Variants in STAT3 observed in about 807,000 individuals in gnomAD.
The protein encoded by STAT3 is signal transducer and activator of transcription 3, also known as DNA-binding protein APRF.
A neutral mutation model predicts 114.3 loss-of-function variants in STAT3; 7 were observed. The observed-to-expected ratio is 0.06, with a 90% CI of 0.03 to 0.11. The LOEUF (loss-of-function observed/expected upper bound fraction) is 0.11, where lower values mean the gene tolerates loss of function less well. STAT3 is among the 10% of genes least tolerant of loss of function. The pLI is 1.00. For synonymous variants in STAT3, 331 were observed against 354.5 expected (o/e 0.93, Z 0.74); for missense variants, 364 against 960.9 (o/e 0.38, Z 8.21).
intron 1 of STAT3, among the ~76,000 whole-genome samples, chr17:42,372,228 G>A (rs1175251784): frequency 6.6e-6 from 1 of 152,168 alleles, no homozygotes. Context: ...TTTATCCAGA[G>A]GAGGTGAAAA....
In STAT3 at chr17:42,330,259, G is replaced by A. The variant is rs1196413894; in HGVS notation, c.1110-483C>T. On this transcript the variant is annotated intron_variant, in intron 11 of 23. Coordinates refer to ENST00000264657, the MANE Select transcript of STAT3 (RefSeq NM_139276.3). ...AGCCTCCCGTGTAGCTGGGATTACG[G>A]GCATGCGCCAACACACCTGGCTAAT... Among the ~76,000 whole-genome samples the A allele has an allele frequency of 2.6e-5, 4 of 151,202 alleles. No homozygotes were observed. In the East Asian group the frequency reaches 5.8e-4, roughly 22 times the overall value.
intron 1 of STAT3, among the ~76,000 whole-genome samples, chr17:42,385,748 C>T (rs559886702): frequency 6.6e-6 from 1 of 152,212 alleles, no homozygotes; most frequent in Admixed American, 6.5e-5. Flanking sequence ...TCATGACTGT[C>T]CTTAATCTAA....
chr17:42,344,038 T>C (rs551420225), intron 4 of STAT3, among the ~76,000 whole-genome samples: 1 of 152,348 alleles, frequency 6.6e-6, no homozygotes, highest in South Asian at 2.1e-4. Context: ...GACATCCTTA[T>C]CTTTTGCTGT....
At chr17:42,386,238 G>A (rs370830034) in intron 1 of STAT3, among the ~76,000 whole-genome samples, 28 of 145,962 alleles carry the variant, frequency 1.9e-4, no homozygotes, top group African/African-American at 4.6e-4. Context: ...CCAAGATTGC[G>A]CCACTGCACT....
chr17:42,375,464 C>A (rs2084396479), intron 1 of STAT3, among the ~76,000 whole-genome samples: 1 of 152,156 alleles, frequency 6.6e-6, no homozygotes, highest in South Asian at 2.1e-4. Context: ...TATGTTAAAA[C>A]CTTTAGACCA....
At chr17:42,349,284 T>C (rs767140305) in intron 1 of STAT3, among the ~76,000 whole-genome samples, 11 of 152,250 alleles carry the variant, frequency 7.2e-5, no homozygotes, top group Non-Finnish European at 1.2e-4. Context: ...TTCCCTTGTC[T>C]ATAAAATAGA....
rs1394935506 is a variant in STAT3, at chr17:42,315,568, T to G, written c.*177A>C. 2 of 673,658 alleles carry G rather than the reference T, an allele frequency of 3.0e-6. No individual in the cohort carries two copies. The highest frequency in any genetic ancestry group is 3.6e-5 in the African/African-American group (2 of 55,770). 41.7% of individuals were successfully genotyped at this position (673,658 alleles called of 1,614,324 possible). The stretch of plus-strand genomic sequence containing the variant: ...AAGCAGATCACCCACATTCACTCAT[T>G]TCTCTATTTTTAAAAGTGCCCAGAT... On this transcript the variant is annotated 3_prime_UTR_variant, in exon 24 of 24. Coordinates refer to ENST00000264657, the MANE Select transcript of STAT3 (RefSeq NM_139276.3).
chr17:42,345,697 A>T (rs2082665926), intron 3 of STAT3, 40 bp from the exon 4 acceptor site: 1 of 1,540,060 alleles, frequency 6.5e-7, no homozygotes, highest in South Asian at 1.2e-5. Context: ...TCAGCAGCAG[A>T]CCATGGAGAT....
At chr17:42,349,055 G>T (rs2082823092) in intron 1 of STAT3, among the ~76,000 whole-genome samples, 1 of 151,634 alleles carries the variant, frequency 6.6e-6, no homozygotes, top group Non-Finnish European at 1.5e-5. Flanking sequence ...TGTTTCGTGA[G>T]ACAAACAAAA....
At chr17:42,371,147 T>C (rs2084102236) in intron 1 of STAT3, among the ~76,000 whole-genome samples, 1 of 152,096 alleles carries the variant, frequency 6.6e-6, no homozygotes, top group South Asian at 2.1e-4. Flanking sequence ...AAGGAGTAGA[T>C]GGTGGTCTAC....
In STAT3 at chr17:42,338,744, G is replaced by A. The variant is rs779055365; in HGVS notation, c.537C>T (p.Leu179=). Residue 179 remains leucine (L), a synonymous_variant, in exon 6 of 24, where the codon CTC becomes CTT. Coordinates refer to ENST00000264657, the MANE Select transcript of STAT3 (RefSeq NM_139276.3). ...QDDFDFNYKT[L]KSQGDMQDLN... is the part of the protein sequence containing the mutation. ...ATATTCACTTGCCTCCTTGACTCTTGAGGGTTTTATAGTTGAAATCAAAGT... is the reference window on the plus strand; with the variant it reads ...ATATTCACTTGCCTCCTTGACTCTTAAGGGTTTTATAGTTGAAATCAAAGT... 1.7e-5 allele frequency: 28 copies of A among 1,613,364 alleles called. No homozygotes were observed. In the Admixed American group the frequency reaches 4.3e-4, roughly 25 times the overall value.
chr17:42,316,031 T>C (rs143028761), intron 23 of STAT3: 1 of 1,422,474 alleles, frequency 7.0e-7, no homozygotes, highest in Admixed American at 2.9e-5. Context: ...GAGCTCCATG[T>C]TTACAGAAGC....
intron 1 of STAT3, among the ~76,000 whole-genome samples, chr17:42,366,977 C>A (rs1220333067): frequency 2.6e-5 from 4 of 151,970 alleles, no homozygotes; most frequent in Non-Finnish European, 5.9e-5. Context: ...CCCGTTTCTA[C>A]TAAAAATACA....
At chr17:42,353,811 C>T (rs562346247) in intron 1 of STAT3, among the ~76,000 whole-genome samples, 179 of 152,178 alleles carry the variant, frequency 1.2e-3, no homozygotes, top group Non-Finnish European at 2.2e-3. Context: ...TGGCCTCAAG[C>T]GATCCTCCCA....
chr17:42,345,095 G>A (rs943418938), intron 4 of STAT3, among the ~76,000 whole-genome samples: 20 of 151,536 alleles, frequency 1.3e-4, no homozygotes, highest in South Asian at 4.2e-4. Context: ...AAGAAACCCC[G>A]TCTCTACTAA....
At chr17:42,351,814 A>G (rs1598453374) in intron 1 of STAT3, among the ~76,000 whole-genome samples, 1 of 152,240 alleles carries the variant, frequency 6.6e-6, no homozygotes, top group East Asian at 1.9e-4. Flanking sequence ...GCTGGAGTGC[A>G]GTGGTGCAAT....
chr17:42,367,240 G>A (rs1004323141), intron 1 of STAT3, among the ~76,000 whole-genome samples: 3 of 152,004 alleles, frequency 2.0e-5, no homozygotes, highest in African/African-American at 7.2e-5. Context: ...TCGGGAGGCT[G>A]AGGCAGGAGC....
chr17:42,325,537 T>C (rs1239615833), intron 15 of STAT3, among the ~76,000 whole-genome samples: 1 of 152,080 alleles, frequency 6.6e-6, no homozygotes, highest in African/African-American at 2.4e-5. Flanking sequence ...AAGACTCTTA[T>C]GCCCAAACTT....
chr17:42,362,245 G>A (rs1178243691), intron 1 of STAT3, among the ~76,000 whole-genome samples: 1 of 152,218 alleles, frequency 6.6e-6, no homozygotes, highest in Non-Finnish European at 1.5e-5. Context: ...GGAAAAGCAA[G>A]TAGATATTTA....
Sources: gnomAD v4.1 joint callset for allele counts (sites outside exome capture counted in the v4.1 genomes callset) on GRCh38, gnomAD v4.1.1 for gene constraint, MANE v1.5 for transcripts, NCBI Gene and HGNC (gene_info 2026-07-23, HGNC 2026-07-21) for gene names.